BRD1: variants seen among roughly 807,000 people sequenced by gnomAD.
BRD1 encodes the protein bromodomain-containing protein 1.
In BRD1, 24 loss-of-function variants were observed where a neutral mutation model predicts 107.7. The observed-to-expected ratio is 0.22, with a 90% confidence interval of 0.16 to 0.31. The LOEUF (loss-of-function observed/expected upper bound fraction) is 0.31. Among genes scored for constraint, BRD1 ranks in the 10% least tolerant of loss-of-function variants. BRD1 has a pLI of 1.00. For synonymous variants in BRD1, 744 were observed against 686.1 expected (o/e 1.08, Z -1.32); for missense variants, 1,279 against 1,638.6 (o/e 0.78, Z 3.79).
intron 2 of BRD1, among the ~76,000 whole-genome samples, chr22:49,807,621 C>T (rs1347277372): frequency 6.6e-6 from 1 of 152,144 alleles, no homozygotes; most frequent in Non-Finnish European, 1.5e-5. Flanking sequence ...AACTCAAAAT[C>T]GAAGACCTAG....
At chr22:49,775,848 G>A (rs1361212122) in intron 11 of BRD1, 103 bp from the exon 12 acceptor site, 157 of 1,228,302 alleles carry the variant, frequency 1.3e-4, no homozygotes, top group Middle Eastern at 6.0e-4. Context: ...AGCTGTGTGA[G>A]CCTCCTCAGA....
chr22:49,827,420 G>A (rs1264821961), intron 1 of BRD1, 77 bp downstream of exon 1: 1 of 146,358 alleles, frequency 6.8e-6, no homozygotes, highest in East Asian at 2.0e-4. Flanking sequence ...CGAGAGGCCG[G>A]GCCGAGGCGG....
intron 2 of BRD1, among the ~76,000 whole-genome samples, chr22:49,814,883 A>T (rs1569132242): frequency 1.3e-5 from 2 of 152,224 alleles, no homozygotes; most frequent in Non-Finnish European, 2.9e-5. Context: ...GAGAGACAGA[A>T]ATCAGCTACA....
chr22:49,818,450 T>G, intron 2 of BRD1: 6 of 1,003,612 alleles, frequency 6.0e-6, no homozygotes, highest in Non-Finnish European at 7.3e-6. Flanking sequence ...CCAAAAAGAG[T>G]TATCAGGAAA....
In BRD1 at chr22:49,778,539, T is replaced by A. The variant is rs537231642; in HGVS notation, c.2858-726A>T. Among the ~76,000 whole-genome samples, 3 of 152,260 alleles carry A rather than the reference T, an allele frequency of 2.0e-5. No homozygotes were observed. In the South Asian group the frequency reaches 6.2e-4, roughly 32 times the overall value. On this transcript the variant is annotated intron_variant, in intron 8 of 12. Coordinates refer to ENST00000404760, the MANE Select transcript of BRD1 (RefSeq NM_001304808.3). Reference sequence around the variant, plus strand: ...TTTCCCCCTAAAAATCCTGACTTTGTCAGTCAACGGGAAACAACACATCTG... The same window carrying A: ...TTTCCCCCTAAAAATCCTGACTTTGACAGTCAACGGGAAACAACACATCTG...
intron 11 of BRD1, 130 bp from the exon 12 acceptor site, chr22:49,775,875 C>CA: frequency 8.4e-7 from 1 of 1,193,320 alleles, no homozygotes; most frequent in Non-Finnish European, 1.1e-6. Context: ...CCACGCCCCC[C>CA]TCGCCGAACC....
intron 1 of BRD1, 32 bp downstream of exon 1, chr22:49,827,445 CGGCCCGCGAGGCGGCGGGGA>C (rs1264406462): frequency 6.9e-6 from 1 of 144,926 alleles, no homozygotes; most frequent in African/African-American, 2.5e-5. Context: ...GGCGGCCGGG[CGGCCCGCGAGGCGGCGGGGA>C]GGCCTCCCCG....
chr22:49,784,281 G>C (rs1437139467), intron 8 of BRD1, among the ~76,000 whole-genome samples: 1 of 150,702 alleles, frequency 6.6e-6, no homozygotes, highest in Non-Finnish European at 1.5e-5. Flanking sequence ...CTCGCGGCAG[G>C]GGTCTCCGCA....
chr22:49,798,842 C>T, intron 4 of BRD1, 146 bp downstream of exon 4: 1 of 1,433,686 alleles, frequency 7.0e-7, no homozygotes, highest in Non-Finnish European at 9.1e-7. Flanking sequence ...CAACCCATGG[C>T]AGCCAGGCAC....
In BRD1 at chr22:49,823,950, C is replaced by T. The variant is rs774051969; in HGVS notation, c.368G>A (p.Arg123His). The change falls in exon 2 of 13, where the codon CGC becomes CAC. Residue 123 changes from arginine (R) to histidine (H), a missense_variant. Arg to His is a conservative substitution (Grantham distance 29). Transcript: ENST00000404760. ...SASALPEPKV[R>H]IVEYSPPSAP... Reference sequence around the variant, plus strand: ...GGACGGAGGGCTGTACTCCACGATGCGCACCTTGGGCTCCGGGAGGGCACT... The same window carrying T: ...GGACGGAGGGCTGTACTCCACGATGTGCACCTTGGGCTCCGGGAGGGCACT... 5 of 1,614,026 alleles carry T rather than the reference C, an allele frequency of 3.1e-6. No individual in the cohort carries two copies. Among genetic ancestry groups the T allele is most frequent in the South Asian group, 2.2e-5 (2 of 91,092 alleles).
At position 49,787,650 on chromosome 22, in the gene BRD1, G is replaced by T. The variant is rs1451505314; in HGVS notation, c.2597C>A (p.Ala866Glu). The change falls in exon 8 of 13, where the codon GCG (alanine) becomes GAG (glutamate). Residue 866 changes from alanine to glutamate, a missense_variant. This residue lies in a region of BRD1 where 406 missense variants were observed against 519.4 expected (regional missense o/e 0.78). Coordinates refer to ENST00000404760, the MANE Select transcript of BRD1 (RefSeq NM_001304808.3). ...RASSGDVPAA[A>E]ASAVAEPASD... is the part of the protein sequence containing the mutation. ...TGCTGGCTCCGCCACCGCGGAGGCCGCCGCCGCCGGCACATCGCCACTACT... is the reference window on the plus strand; with the variant it reads ...TGCTGGCTCCGCCACCGCGGAGGCCTCCGCCGCCGGCACATCGCCACTACT... The T allele has an allele frequency of 1.7e-5, 26 of 1,550,576 alleles. No homozygotes were observed. Among genetic ancestry groups the T allele is most frequent in the Non-Finnish European group, 2.2e-5 (25 of 1,146,954 alleles).
chr22:49,784,019 G>A (rs2059267571), intron 8 of BRD1, among the ~76,000 whole-genome samples: 1 of 152,198 alleles, frequency 6.6e-6, no homozygotes, highest in African/African-American at 2.4e-5. Flanking sequence ...TGAATGAAAG[G>A]GCAGGACAGC....
At chr22:49,812,299 T>G (rs759588204) in intron 2 of BRD1, among the ~76,000 whole-genome samples, 2 of 152,158 alleles carry the variant, frequency 1.3e-5, no homozygotes, top group Non-Finnish European at 2.9e-5. Context: ...CTACAACACA[T>G]AGCTAAAAAC....
intron 8 of BRD1, among the ~76,000 whole-genome samples, chr22:49,779,905 G>A (rs1003390893): frequency 2.0e-5 from 3 of 152,058 alleles, no homozygotes; most frequent in South Asian, 2.1e-4. Flanking sequence ...GTCTGCCAAC[G>A]CGTGTGACCC....
intron 2 of BRD1, among the ~76,000 whole-genome samples, chr22:49,809,655 T>C (rs2059813144): frequency 6.6e-6 from 1 of 152,104 alleles, no homozygotes; most frequent in Non-Finnish European, 1.5e-5. Flanking sequence ...AGAAAGTGGG[T>C]ACTGCTGACC....
intron 2 of BRD1, among the ~76,000 whole-genome samples, chr22:49,813,647 C>A (rs2059896874): frequency 6.6e-6 from 1 of 151,664 alleles, no homozygotes; most frequent in African/African-American, 2.4e-5. Context: ...GCCTGGCCAA[C>A]ACGGCGAAAC....
chr22:49,824,324 A>T lies in BRD1; in HGVS notation c.-7T>A. 6.2e-7 allele frequency: 1 copy of T among 1,610,668 alleles called. No individual in the cohort carries two copies. The highest frequency in any genetic ancestry group is 8.5e-7 in the Non-Finnish European group (1 of 1,177,730). The stretch of plus-strand genomic sequence containing the variant: ...ATCGTCCTTTCCTCCTCATTTGGTA[A>T]TGATTACCTAAAATGAAGGCAAAAG... On this transcript the variant is annotated 5_prime_UTR_variant, in exon 2 of 13. Transcript: ENST00000404760. The surrounding 1 kb of genome is among the most constrained non-coding windows in gnomAD (Gnocchi z 5.9).
At chr22:49,785,380 G>A (rs898589700) in intron 8 of BRD1, among the ~76,000 whole-genome samples, 3 of 152,270 alleles carry the variant, frequency 2.0e-5, no homozygotes, top group Non-Finnish European at 2.9e-5. Flanking sequence ...GCCGACAGAC[G>A]TGAAACCCCG....
In BRD1 at chr22:49,803,877, C is replaced by G. The variant is rs1339467293; in HGVS notation, c.1524+327G>C. Among the ~76,000 whole-genome samples, 2 of 152,266 alleles carry G rather than the reference C, an allele frequency of 1.3e-5. No individual in the cohort carries two copies. The highest frequency in any genetic ancestry group is 2.9e-5 in the Non-Finnish European group (2 of 68,054). ...AGCCCGGACGCTCATGCAGCCACAG[C>G]ATAACACATCCCTGAGCATCCCCAG... On this transcript the variant is annotated intron_variant, in intron 3 of 12. Transcript: ENST00000404760. The surrounding 1 kb of genome is among the most constrained non-coding windows in gnomAD (Gnocchi z 4.4).
Sources: allele counts gnomAD v4.1 joint callset (sites outside exome capture counted in the v4.1 genomes callset), GRCh38; gene constraint gnomAD v4.1.1; regional missense constraint gnomAD v4.1.1; non-coding constraint Gnocchi (gnomAD v3.1); transcripts MANE v1.5; gene names NCBI Gene and HGNC (gene_info 2026-07-23, HGNC 2026-07-21).